The following STARD13 variants were observed in gnomAD, a reference collection of about 807,000 sequenced individuals.
The protein encoded by STARD13 is stAR-related lipid transfer protein 13.
In STARD13, 62 loss-of-function variants were observed where a neutral mutation model predicts 106.4. That is an observed-to-expected ratio of 0.58 (90% confidence interval 0.48 to 0.72). The LOEUF is 0.72. STARD13 is among the 30% of genes least tolerant of loss of function. The pLI is 0.00. For missense variants in STARD13, 1,387 were observed against 1,424.0 expected (o/e 0.97, Z 0.42); for synonymous variants, 565 against 553.0 (o/e 1.02, Z -0.31).
the STARD13 span, among the ~76,000 whole-genome samples, chr13:33,641,014 T>A: frequency 6.6e-6 from 1 of 152,112 alleles, no homozygotes; most frequent in African/African-American, 2.4e-5. Context: ...TCTTTAGGCT[T>A]AGGTTCAACA....
At chr13:33,117,587 T>G in intron 8 of STARD13, 1 of 976,272 alleles carries the variant, frequency 1.0e-6, no homozygotes, top group Non-Finnish European at 1.2e-6. Flanking sequence ...AAGACTTGAT[T>G]TGGTTTGCTT....
chr13:33,622,613 T>TTAAAAAAA, the STARD13 span, among the ~76,000 whole-genome samples: 1 of 11,238 alleles, frequency 8.9e-5, no homozygotes, highest in African/African-American at 2.9e-4. Context: ...AGACTCCGTC[T>TTAAAAAAA]CAAAAAAAAA....
At chr13:33,177,495 A>G (rs1202208681) in intron 1 of STARD13, among the ~76,000 whole-genome samples, 3 of 152,204 alleles carry the variant, frequency 2.0e-5, no homozygotes, top group African/African-American at 7.2e-5. Context: ...ATTCTGGCAT[A>G]CTGCAAGGCT....
At chr13:33,283,581 T>A (rs1891911939) in intron 1 of STARD13, among the ~76,000 whole-genome samples, 1 of 152,246 alleles carries the variant, frequency 6.6e-6, no homozygotes, top group Admixed American at 6.5e-5. Context: ...AGTTGTATGA[T>A]GTTAACACAT....
At chr13:33,279,129 G>C (rs1016675965) in intron 1 of STARD13, among the ~76,000 whole-genome samples, 1 of 152,134 alleles carries the variant, frequency 6.6e-6, no homozygotes, top group Non-Finnish European at 1.5e-5. Context: ...ATGAAACACA[G>C]AGAAAGTGTG....
the STARD13 span, among the ~76,000 whole-genome samples, chr13:33,588,288 G>T: frequency 6.6e-6 from 1 of 152,236 alleles, no homozygotes; most frequent in East Asian, 1.9e-4. Flanking sequence ...GAACCCTTTT[G>T]AAATTTTGCA....
chr13:33,228,796 A>G (rs2138202452), intron 1 of STARD13, among the ~76,000 whole-genome samples: 1 of 152,318 alleles, frequency 6.6e-6, no homozygotes, highest in African/African-American at 2.4e-5. Flanking sequence ...TCTGATAACC[A>G]AAAAGGCCAG....
intron 1 of STARD13, among the ~76,000 whole-genome samples, chr13:33,243,455 C>T (rs1889648699): frequency 2.0e-5 from 3 of 152,118 alleles, no homozygotes; most frequent in African/African-American, 7.2e-5. Context: ...AGGGCTACAC[C>T]ACAGCCAAGA....
chr13:33,365,614 A>T, the STARD13 span, among the ~76,000 whole-genome samples: 1 of 152,208 alleles, frequency 6.6e-6, no homozygotes, highest in African/African-American at 2.4e-5. Flanking sequence ...CCACGATTTC[A>T]TCAAAGGGCT....
At chr13:33,153,406 G>A (rs1321154156) in intron 3 of STARD13, among the ~76,000 whole-genome samples, 2 of 152,164 alleles carry the variant, frequency 1.3e-5, no homozygotes, top group Non-Finnish European at 2.9e-5. Flanking sequence ...CCAGGGCCTG[G>A]GAGGATGGCC....
chr13:33,179,675 G>A (rs972504982), intron 1 of STARD13, among the ~76,000 whole-genome samples: 3 of 152,176 alleles, frequency 2.0e-5, no homozygotes, highest in Non-Finnish European at 4.4e-5. Flanking sequence ...TACCCTGTAG[G>A]TCTCTAAACC....
At chr13:33,301,568 C>CTTTTT (rs11393186) in intron 1 of STARD13, among the ~76,000 whole-genome samples, 3 of 72,066 alleles carry the variant, frequency 4.2e-5, no homozygotes, top group African/African-American at 4.8e-5. Context: ...CTTTTTTTTT[C>CTTTTT]TTTTTTTTTT....
chr13:33,534,727 T>G, the STARD13 span, among the ~76,000 whole-genome samples: 24 of 152,166 alleles, frequency 1.6e-4, no homozygotes, highest in African/African-American at 5.6e-4. Context: ...ATAAGCACTA[T>G]GAGATTAAGG....
chr13:33,568,548 C>T, the STARD13 span, among the ~76,000 whole-genome samples: 1 of 147,808 alleles, frequency 6.8e-6, no homozygotes, highest in Non-Finnish European at 1.5e-5. Context: ...TTTCACTTGA[C>T]ATCTAATCTA....
the STARD13 span, among the ~76,000 whole-genome samples, chr13:33,593,572 A>G: frequency 6.6e-6 from 1 of 152,222 alleles, no homozygotes; most frequent in Non-Finnish European, 1.5e-5. Context: ...GGAGACCCAC[A>G]GGACATTTAT....
At chr13:33,225,508 G>A (rs556439315) in intron 1 of STARD13, among the ~76,000 whole-genome samples, 1 of 152,282 alleles carries the variant, frequency 6.6e-6, no homozygotes, top group South Asian at 2.1e-4. Flanking sequence ...AAAGATGCCA[G>A]GAACTGTCCT....
the STARD13 span, among the ~76,000 whole-genome samples, chr13:33,476,306 A>T: frequency 6.6e-6 from 1 of 152,226 alleles, no homozygotes; most frequent in Admixed American, 6.5e-5. Flanking sequence ...TCATATATAT[A>T]TTTAAAAACA....
the STARD13 span, among the ~76,000 whole-genome samples, chr13:33,651,284 C>G: frequency 6.6e-6 from 1 of 152,128 alleles, no homozygotes; most frequent in Non-Finnish European, 1.5e-5. Flanking sequence ...GAATTATTCC[C>G]CAACTCACTT....
chr13:33,520,940 T>C, the STARD13 span, among the ~76,000 whole-genome samples: 3 of 152,114 alleles, frequency 2.0e-5, no homozygotes, highest in Non-Finnish European at 2.9e-5. Flanking sequence ...CCTCCAGATA[T>C]TCCTTCATTC....
Sources: gnomAD v4.1 joint callset for allele counts (sites outside exome capture counted in the v4.1 genomes callset) on GRCh38, gnomAD v4.1.1 for gene constraint, MANE v1.5 for transcripts, NCBI Gene and HGNC (gene_info 2026-07-23, HGNC 2026-07-21) for gene names.